Variants in CLDN16 observed in about 807,000 individuals in gnomAD.
CLDN16 encodes claudin-16.
A neutral mutation model predicts 24.6 loss-of-function variants in CLDN16; 13 were observed. That is an observed-to-expected ratio of 0.53 (90% CI 0.34 to 0.84). The LOEUF (loss-of-function observed/expected upper bound fraction) is 0.84, where lower values mean the gene tolerates loss of function less well. Ranked by LOEUF, CLDN16 falls within the 40% of genes least tolerant of loss-of-function variation. The probability of loss-of-function intolerance (pLI) is 0.01; values close to 1 mark genes in which losing one functional copy is unlikely to be tolerated. For missense variants in CLDN16, 298 were observed against 292.7 expected (o/e 1.02, Z -0.13); for synonymous variants, 116 against 106.7 (o/e 1.09, Z -0.54).
chr3:190,379,709 T>C (rs1026675744), intron 3 of CLDN16, among the ~76,000 whole-genome samples: 5 of 152,084 alleles, frequency 3.3e-5, no homozygotes, highest in Non-Finnish European at 7.4e-5. Context: ...AAGATGCTTC[T>C]CACGAACACA....
At chr3:190,294,853 A>C in the CLDN16 span, among the ~76,000 whole-genome samples, 840 of 152,254 alleles carry the variant, frequency 5.5e-3, 7 homozygotes, top group African/African-American at 0.018. Flanking sequence ...CAAACTCAGT[A>C]AGAAAGTAAT....
Position 190,328,068 on chromosome 3 carries a change from T to C in CLDN16, n.121+5407T>C, listed in dbSNP as rs184262676. 1.3e-4 allele frequency among the ~76,000 whole-genome samples: 19 copies of C among 151,878 alleles called. 1 individual carries two copies. Among genetic ancestry groups the C allele is most frequent in the African/African-American group, 4.6e-4 (19 of 41,392 alleles). On this transcript the variant is annotated intron_variant and non_coding_transcript_variant, in intron 1 of 4. Coordinates refer to the CLDN16 transcript ENST00000468220. ...AGGCCAAGGTGAGAGAATTACTTGA[T>C]TGCAGGAGCTCGAGACTAGCCTGAA...
In CLDN16 at chr3:190,388,164, T is replaced by G; in HGVS notation, c.-166T>G. On this transcript the variant is annotated 5_prime_UTR_variant, in exon 1 of 5. Transcript: ENST00000264734. ...TGTTGGTTACAGCCTGTTTGTATTA[T>G]TCTTACTGCAACTCAAGACACCTGC... 6.2e-7 allele frequency: 1 copy of G among 1,614,086 alleles called. No individual in the cohort carries two copies. Among genetic ancestry groups the G allele is most frequent in the Non-Finnish European group, 8.5e-7 (1 of 1,179,992 alleles).
chr3:190,312,984 C>G, the CLDN16 span: 1 of 1,614,170 alleles, frequency 6.2e-7, no homozygotes, highest in South Asian at 1.1e-5. Context: ...AGATTGCTAT[C>G]ACTCCCAGGA....
At chr3:190,361,914 A>G (rs764804867) in intron 1 of CLDN16, among the ~76,000 whole-genome samples, 5 of 150,782 alleles carry the variant, frequency 3.3e-5, no homozygotes, top group Non-Finnish European at 7.4e-5. Context: ...AATGGGCAAT[A>G]TGGCACAGCT....
intron 2 of CLDN16, 66 bp from the exon 3 acceptor site, chr3:190,404,696 T>C (rs1719044691): frequency 6.5e-7 from 1 of 1,530,152 alleles, no homozygotes; most frequent in Non-Finnish European, 9.1e-7. Context: ...TTTTTTGCTA[T>C]GTCTCTGTGA....
chr3:190,314,362 A>G, the CLDN16 span, among the ~76,000 whole-genome samples: 1 of 152,060 alleles, frequency 6.6e-6, no homozygotes, highest in African/African-American at 2.4e-5. Context: ...CTTTGCTATA[A>G]CCAGGCAATC....
chr3:190,393,129 A>G (rs1045238687), intron 1 of CLDN16, among the ~76,000 whole-genome samples: 3 of 152,206 alleles, frequency 2.0e-5, no homozygotes. Context: ...GAAGTAGGTG[A>G]TGAAGAGACA....
the CLDN16 span, among the ~76,000 whole-genome samples, chr3:190,292,083 C>A: frequency 6.6e-6 from 1 of 152,160 alleles, no homozygotes; most frequent in African/African-American, 2.4e-5. Context: ...TAGGCAGTGA[C>A]CCAGTGAAGA....
At chr3:190,321,892 A>T, upstream of CLDN16, 1 of 920,260 alleles carries the variant, frequency 1.1e-6, no homozygotes, top group Non-Finnish European at 1.8e-6. Flanking sequence ...AAGACTGATA[A>T]CCATGGAATC....
chr3:190,321,482 A>G (rs192658236), upstream of CLDN16, among the ~76,000 whole-genome samples: 43 of 152,364 alleles, frequency 2.8e-4, no homozygotes, highest in East Asian at 5.8e-3. Flanking sequence ...TTCCAGTAGG[A>G]ATGTAACTTT....
the CLDN16 span, among the ~76,000 whole-genome samples, chr3:190,315,985 C>T: frequency 6.6e-6 from 1 of 152,146 alleles, no homozygotes; most frequent in Admixed American, 6.5e-5. Flanking sequence ...TAAGTTTTTG[C>T]CCATTAAGTT....
At chr3:190,327,979 C>T (rs562758909) in intron 1 of CLDN16, among the ~76,000 whole-genome samples, 7 of 152,156 alleles carry the variant, frequency 4.6e-5, no homozygotes, top group Admixed American at 2.6e-4. Flanking sequence ...AGTAGCAATG[C>T]GATGAAGATC....
upstream of CLDN16, among the ~76,000 whole-genome samples, chr3:190,387,692 C>A (rs1014514911): frequency 1.3e-5 from 2 of 152,186 alleles, no homozygotes; most frequent in African/African-American, 4.8e-5. Context: ...CCTTGGCTGT[C>A]CCTACTGCCC....
chr3:190,319,662 C>T (rs997826548), upstream of CLDN16, among the ~76,000 whole-genome samples: 2 of 152,166 alleles, frequency 1.3e-5, no homozygotes, highest in Non-Finnish European at 2.9e-5. Context: ...GGTACAATTT[C>T]GGGAAACCCA....
At chr3:190,326,837 T>C (rs1436271840) in intron 1 of CLDN16, among the ~76,000 whole-genome samples, 2 of 152,194 alleles carry the variant, frequency 1.3e-5, no homozygotes, top group East Asian at 3.9e-4. Context: ...TGAAACAAGG[T>C]GCTGAATGAC....
At chr3:190,344,811 G>A (rs956974492) in intron 1 of CLDN16, among the ~76,000 whole-genome samples, 2 of 152,104 alleles carry the variant, frequency 1.3e-5, no homozygotes, top group Non-Finnish European at 2.9e-5. Context: ...GTAAAAGGGG[G>A]TCTTCTTGCT....
rs576385592 is a variant in CLDN16 at position 190,374,047 on chromosome 3, T to TA, written n.231-472dup. ...AATGCTTATATTTTCTTCTGAATGA[T>TA]AAAAAAAAATGAGGAGGAATTTTAA... On this transcript the variant is annotated intron_variant and non_coding_transcript_variant, in intron 2 of 4. Coordinates refer to the CLDN16 transcript ENST00000468220. Among the ~76,000 whole-genome samples, 118 of 150,780 alleles carry TA rather than the reference T, an allele frequency of 7.8e-4. 1 individual carries two copies. The highest frequency in any genetic ancestry group is 2.6e-3 in the African/African-American group (106 of 41,234).
chr3:190,322,064 T>A, upstream of CLDN16: 1 of 1,614,156 alleles, frequency 6.2e-7, no homozygotes, highest in Non-Finnish European at 8.5e-7. Context: ...CCACAGCCCC[T>A]CGTACATGGC....
Sources: allele counts gnomAD v4.1 joint callset (sites outside exome capture counted in the v4.1 genomes callset), GRCh38; gene constraint gnomAD v4.1.1; transcripts MANE v1.5; gene names NCBI Gene and HGNC (gene_info 2026-07-23, HGNC 2026-07-21).